Variants in LRRC37A2 observed in about 807,000 individuals in gnomAD.
LRRC37A2 encodes leucine-rich repeat-containing protein 37A2.
A neutral mutation model predicts 68.8 loss-of-function variants in LRRC37A2; 9 were observed. The ratio of observed to expected loss-of-function variants is 0.13; its 90% confidence interval spans 0.08 to 0.23. LRRC37A2 has a LOEUF of 0.23. LRRC37A2 is among the 10% of genes least tolerant of loss of function. The pLI is 1.00. For synonymous variants in LRRC37A2, 63 were observed against 367.6 expected (o/e 0.17, Z 9.48); for missense variants, 168 against 950.4 (o/e 0.18, Z 10.82).
the LRRC37A2 span, among the ~76,000 whole-genome samples, chr17:46,493,228 A>C: frequency 8.2e-6 from 1 of 122,300 alleles, no homozygotes; most frequent in African/African-American, 3.6e-5. Context: ...CACAGTCACC[A>C]CTCACTGCAG....
the LRRC37A2 span, among the ~76,000 whole-genome samples, chr17:47,046,152 C>A: frequency 1.7e-5 from 2 of 118,978 alleles, no homozygotes; most frequent in South Asian, 2.8e-4. Flanking sequence ...CATGGGGAAA[C>A]CCTGTCACTA....
rs1337960583 is a variant in LRRC37A2, at chr17:46,516,188, A to C, written c.2609+867A>C. ...CATGGTGGTGGGTGCCTGGAGTCCCAGCTACTCGGGAGGCTGAGGCAGGAG... is the reference window on the plus strand; with the variant it reads ...CATGGTGGTGGGTGCCTGGAGTCCCCGCTACTCGGGAGGCTGAGGCAGGAG... On this transcript the variant is annotated intron_variant, in intron 2 of 14. Coordinates refer to ENST00000576629, the Ensembl canonical transcript of LRRC37A2. Among the ~76,000 whole-genome samples, 7 of 149,362 alleles carry C rather than the reference A, an allele frequency of 4.7e-5. No homozygotes were observed. In the Admixed American group the frequency reaches 4.7e-4, roughly 10 times the overall value.
chr17:47,025,098 C>T, the LRRC37A2 span, among the ~76,000 whole-genome samples: 1 of 151,944 alleles, frequency 6.6e-6, no homozygotes, highest in Non-Finnish European at 1.5e-5. Context: ...TTTTAAATAG[C>T]CCATTAAGTT....
chr17:46,486,204 C>T, the LRRC37A2 span, among the ~76,000 whole-genome samples: 4 of 95,140 alleles, frequency 4.2e-5, 1 homozygote, highest in African/African-American at 1.5e-4. Flanking sequence ...CTTTCTGTCT[C>T]TTGGATATCA....
the LRRC37A2 span, among the ~76,000 whole-genome samples, chr17:46,860,911 T>G: frequency 1.3e-5 from 2 of 152,192 alleles, no homozygotes; most frequent in Non-Finnish European, 2.9e-5. Flanking sequence ...CAGACTAGAG[T>G]GCAATGGCTT....
At chr17:47,016,349 A>G in the LRRC37A2 span, among the ~76,000 whole-genome samples, 3 of 150,580 alleles carry the variant, frequency 2.0e-5, no homozygotes, top group Non-Finnish European at 4.4e-5. Context: ...TATGCCAGAC[A>G]GTAATAAAAT....
chr17:46,776,342 TGTTAGAAGCAG>T, the LRRC37A2 span, among the ~76,000 whole-genome samples: 2 of 152,220 alleles, frequency 1.3e-5, no homozygotes, highest in African/African-American at 4.8e-5. Flanking sequence ...GCCCCTGCCC[TGTTAGAAGCAG>T]GTTAGAGTGA....
At chr17:46,902,630 G>A in the LRRC37A2 span, among the ~76,000 whole-genome samples, 4 of 152,210 alleles carry the variant, frequency 2.6e-5, no homozygotes, top group East Asian at 3.9e-4. Context: ...GGGCTTGGGT[G>A]GGGGTTGCTG....
At chr17:46,931,407 C>T in the LRRC37A2 span, 1 of 604,374 alleles carries the variant, frequency 1.7e-6, no homozygotes, top group South Asian at 2.0e-5. Context: ...AGGTTTGTGA[C>T]TCAGAAACCT....
chr17:46,993,106 T>C, the LRRC37A2 span, among the ~76,000 whole-genome samples: 1 of 152,054 alleles, frequency 6.6e-6, no homozygotes, highest in African/African-American at 2.4e-5. Context: ...CTGTATTTTT[T>C]AGATGTTCTA....
At chr17:46,831,836 G>C in the LRRC37A2 span, among the ~76,000 whole-genome samples, 1 of 152,244 alleles carries the variant, frequency 6.6e-6, no homozygotes, top group African/African-American at 2.4e-5. Flanking sequence ...ACTGCCAAAT[G>C]AAGAGTTCTT....
At chr17:46,866,175 T>C in the LRRC37A2 span, among the ~76,000 whole-genome samples, 1 of 151,822 alleles carries the variant, frequency 6.6e-6, no homozygotes, top group Non-Finnish European at 1.5e-5. Flanking sequence ...GGCCTCCCAG[T>C]GTAACAGCAG....
chr17:46,851,653 C>A, the LRRC37A2 span: 16 of 1,284,276 alleles, frequency 1.2e-5, no homozygotes, highest in South Asian at 2.6e-5. This position sits in a 1 kb window ranked among gnomAD's most constrained non-coding sequence, Gnocchi z 4.3. Flanking sequence ...GCCCCCCGCC[C>A]GCGCTGGCCC....
At chr17:46,932,193 C>T in the LRRC37A2 span, 1 of 1,614,050 alleles carries the variant, frequency 6.2e-7, no homozygotes, top group Non-Finnish European at 8.5e-7. Flanking sequence ...GAACCTTCAC[C>T]ACTAACGTAA....
chr17:46,972,886 G>A, the LRRC37A2 span: 1 of 153,210 alleles, frequency 6.5e-6, no homozygotes, highest in Non-Finnish European at 1.5e-5. Flanking sequence ...TTAGGAGAGC[G>A]ACATAAGACA....
At chr17:47,038,173 G>A in the LRRC37A2 span, among the ~76,000 whole-genome samples, 1 of 152,124 alleles carries the variant, frequency 6.6e-6, no homozygotes, top group African/African-American at 2.4e-5. Context: ...GAACATGGTG[G>A]CACACGCCTG....
At chr17:47,009,657 G>T in the LRRC37A2 span, among the ~76,000 whole-genome samples, 1 of 152,306 alleles carries the variant, frequency 6.6e-6, no homozygotes, top group East Asian at 1.9e-4. Flanking sequence ...GCCATAAATG[G>T]TTCCTCATAA....
the LRRC37A2 span, among the ~76,000 whole-genome samples, chr17:46,846,908 G>A: frequency 1.3e-5 from 2 of 152,152 alleles, no homozygotes; most frequent in Non-Finnish European, 2.9e-5. Flanking sequence ...TCCCGCAGAA[G>A]GACAGATGAG....
At chr17:46,988,325 A>G in the LRRC37A2 span, among the ~76,000 whole-genome samples, 2 of 152,208 alleles carry the variant, frequency 1.3e-5, no homozygotes, top group African/African-American at 4.8e-5. Flanking sequence ...GGGGCTGGGG[A>G]GAGAGGTGAG....
Sources: gnomAD v4.1 joint callset for allele counts (sites outside exome capture counted in the v4.1 genomes callset) on GRCh38, gnomAD v4.1.1 for gene constraint, Gnocchi (gnomAD v3.1) non-coding constraint, MANE v1.5 for transcripts, NCBI Gene and HGNC (gene_info 2026-07-23, HGNC 2026-07-21) for gene names.